The following SKOR1 variants were observed in gnomAD, a reference collection of about 807,000 sequenced individuals.
SKOR1 encodes LBX1 corepressor 1.
A neutral mutation model predicts 72.4 loss-of-function variants in SKOR1; 38 were observed. That is an observed-to-expected ratio of 0.52 (90% CI 0.40 to 0.69). SKOR1 has a LOEUF of 0.69. SKOR1 is among the 30% of genes least tolerant of loss of function. The probability of loss-of-function intolerance (pLI) is 0.00; values close to 1 mark genes in which losing one functional copy is unlikely to be tolerated. For synonymous variants in SKOR1, 642 were observed against 599.4 expected (o/e 1.07, Z -1.04); for missense variants, 1,320 against 1,343.2 (o/e 0.98, Z 0.27).
intron 3 of SKOR1, 89 bp downstream of exon 3, chr15:67,829,358 G>A: frequency 5.3e-6 from 6 of 1,134,422 alleles, no homozygotes; most frequent in Non-Finnish European, 7.4e-6. Flanking sequence ...GGAAGACAAG[G>A]AGAGAGACGC....
chr15:67,833,330 G>C lies in SKOR1; in HGVS notation c.2803+73G>C. On this transcript the variant is annotated intron_variant, in intron 8 of 8. Transcript: ENST00000380035. The surrounding 1 kb of genome is among the most constrained non-coding windows in gnomAD (Gnocchi z 6.0). ...GTGCTGTCGACTGAATGAATGAATAGTGGGACTAGTGAGGAAGGCCACGAT... is the reference window on the plus strand; with the variant it reads ...GTGCTGTCGACTGAATGAATGAATACTGGGACTAGTGAGGAAGGCCACGAT... The C allele has an allele frequency of 6.8e-7, 1 of 1,479,200 alleles. No individual in the cohort carries two copies. Among genetic ancestry groups the C allele is most frequent in the African/African-American group, 1.4e-5 (1 of 72,280 alleles). 91.6% of individuals were successfully genotyped at this position (1,479,200 alleles called of 1,614,324 possible).
At position 67,827,570 on chromosome 15, in the gene SKOR1, C is replaced by T. The variant is rs1011643070; in HGVS notation, c.1742C>T (p.Pro581Leu). The stretch of plus-strand genomic sequence containing the variant: ...CCGCCCCTGGCCCCGTTGCCCCCGC[C>T]GCCCCCGCCGCCCGCACGCAAAGGC... ...LPPPLAPLPPPPPPPARKGSY... is the reference protein window; with the variant it reads ...LPPPLAPLPPLPPPPARKGSY... Residue 581 changes from proline (P) to leucine (L), a missense_variant, in exon 2 of 9, where the codon CCG becomes CTG. Transcript: ENST00000380035. 11 of 1,519,214 alleles carry T rather than the reference C, an allele frequency of 7.2e-6. No individual in the cohort carries two copies. Among genetic ancestry groups the T allele is most frequent in the Non-Finnish European group, 9.6e-6 (11 of 1,140,868 alleles). 94.1% of individuals were successfully genotyped at this position (1,519,214 alleles called of 1,614,324 possible).
At chr15:67,830,126 A>G in intron 3 of SKOR1, 65 bp from the exon 4 acceptor site, 1 of 1,543,162 alleles carries the variant, frequency 6.5e-7, no homozygotes, top group Non-Finnish European at 8.9e-7. Flanking sequence ...CGACCGCGGC[A>G]GCTCCGGCAG....
rs950294285 is a variant in SKOR1 at position 67,827,619 on chromosome 15, G to T, written c.1791G>T (p.Pro597=). The change falls in exon 2 of 9, where the codon CCG becomes CCT. Residue 597 remains proline, a synonymous_variant. Transcript: ENST00000380035. ...RKGSYVSAFR[P]VVKDTESIAK... is the part of the protein sequence containing the mutation. ...GCTCCTACGTGTCGGCCTTCCGGCCGGTGGTCAAGGACACCGAGAGCATCG... is the reference window on the plus strand; with the variant it reads ...GCTCCTACGTGTCGGCCTTCCGGCCTGTGGTCAAGGACACCGAGAGCATCG... The T allele has an allele frequency of 2.0e-6, 3 of 1,529,014 alleles. No homozygotes were observed. Among genetic ancestry groups the T allele is most frequent in the South Asian group, 1.2e-5 (1 of 83,392 alleles). 94.7% of individuals were successfully genotyped at this position (1,529,014 alleles called of 1,614,324 possible). A position where few individuals can be genotyped will look rare whatever the true frequency, so the allele number is the denominator to read the frequency against.
chr15:67,833,420 G>T lies in SKOR1; in HGVS notation c.2803+163G>T, dbSNP rs1197201825. On this transcript the variant is annotated intron_variant, in intron 8 of 8. Coordinates refer to ENST00000380035, the MANE Select transcript of SKOR1 (RefSeq NM_001365915.1). This position sits in a 1 kb window ranked among gnomAD's most constrained non-coding sequence, Gnocchi z 6.0. The stretch of plus-strand genomic sequence containing the variant: ...TGATTTTAACGGGAAGATTATTCTA[G>T]GATGGTGGGGGTAAAAAGAAAGAGC... Among the ~76,000 whole-genome samples, 1 of 152,204 alleles carries T rather than the reference G, an allele frequency of 6.6e-6. No individual in the cohort carries two copies. The highest frequency in any genetic ancestry group is 2.4e-5 in the African/African-American group (1 of 41,448).
chr15:67,832,690 G>A lies in SKOR1; in HGVS notation c.2737+9G>A. The A allele has an allele frequency of 2.5e-6, 4 of 1,613,252 alleles. No individual in the cohort carries two copies. Among genetic ancestry groups the A allele is most frequent in the African/African-American group, 1.3e-5 (1 of 75,050 alleles). On this transcript the variant is annotated intron_variant, in intron 7 of 8. Coordinates refer to ENST00000380035, the MANE Select transcript of SKOR1 (RefSeq NM_001365915.1). This position sits in a 1 kb window ranked among gnomAD's most constrained non-coding sequence, Gnocchi z 4.5. Reference sequence around the variant, plus strand: ...GCTGCAAATTGTCAGAGGTAAGACGGGAGTCAGGTGAGCTCGTGCACGGGC... The same window carrying A: ...GCTGCAAATTGTCAGAGGTAAGACGAGAGTCAGGTGAGCTCGTGCACGGGC...
At position 67,833,709 on chromosome 15, in the gene SKOR1, C is replaced by A; in HGVS notation, c.2804-33C>A. On this transcript the variant is annotated intron_variant, in intron 8 of 8. Coordinates refer to ENST00000380035, the MANE Select transcript of SKOR1 (RefSeq NM_001365915.1). The surrounding 1 kb of genome is among the most constrained non-coding windows in gnomAD (Gnocchi z 6.0). The stretch of plus-strand genomic sequence containing the variant: ...GCGCGGTGAGGTGAGCCTGGAGAGG[C>A]GCCCAGAGTGACCCTCGCGACTGTC... 6.2e-7 allele frequency: 1 copy of A among 1,605,996 alleles called. No individual in the cohort carries two copies. The highest frequency in any genetic ancestry group is 8.5e-7 in the Non-Finnish European group (1 of 1,173,508).
chr15:67,829,084 G>A (rs1597017737), intron 2 of SKOR1, 95 bp from the exon 3 acceptor site: 3 of 1,182,220 alleles, frequency 2.5e-6, no homozygotes, highest in Non-Finnish European at 3.5e-6. Flanking sequence ...TTGCCACTCC[G>A]TCGGCTTTCC....
rs1428172490 is a variant in SKOR1, at chr15:67,832,254, C to T, written c.2588-20C>T. On this transcript the variant is annotated intron_variant, in intron 5 of 8. Coordinates refer to ENST00000380035, the MANE Select transcript of SKOR1 (RefSeq NM_001365915.1). The surrounding 1 kb of genome is among the most constrained non-coding windows in gnomAD (Gnocchi z 4.5). ...CCTGCTTTACCTCCCACTTTACCTC[C>T]CACTTTTCCCCTTTCACAGAGGAAT... 3.7e-6 allele frequency: 6 copies of T among 1,612,880 alleles called. No homozygotes were observed. Among genetic ancestry groups the T allele is most frequent in the East Asian group, 2.2e-5 (1 of 44,894 alleles).
chr15:67,826,816 G>A lies in SKOR1; in HGVS notation c.988G>A (p.Glu330Lys), dbSNP rs2090962297. 2 of 1,528,474 alleles carry A rather than the reference G, an allele frequency of 1.3e-6. No homozygotes were observed. Among genetic ancestry groups the A allele is most frequent in the Admixed American group, 2.0e-5 (1 of 50,318 alleles). The allele number at this position is 1,528,474 out of a possible 1,614,324, so 94.7% of individuals were successfully genotyped here. Residue 330 changes from glutamate (E) to lysine (K), a missense_variant, in exon 2 of 9, where the codon GAA (glutamate) becomes AAA (lysine). Physicochemically the swap from Glu to Lys is moderately conservative, Grantham distance 56 (BLOSUM62 1). Around this residue, in one of 3 missense-constraint regions of SKOR1, gnomAD observed 1,099 missense variants for 1,025.5 expected, o/e 1.07. Transcript: ENST00000380035. ...GCCCCACAAAAGCCTGCGCTGTGGC[G>A]AAGATGAGGCTGCCGGGCCTCCGGG... ...PPPHKSLRCG[E>K]DEAAGPPGPP... is the part of the protein sequence containing the mutation.
chr15:67,830,106 TG>T, intron 3 of SKOR1, 84 bp from the exon 4 acceptor site: 1 of 1,388,360 alleles, frequency 7.2e-7, no homozygotes, highest in Non-Finnish European at 1.0e-6. Context: ...TAATTAGGGC[TG>T]GGGCGCCCCG....
rs776369126 is a variant in SKOR1 at position 67,826,045 on chromosome 15, A to C, written c.217A>C (p.Lys73Gln). ...GCCGTACTCGGGCTCCAGCGCTCTC[A>C]AACCCAACCAGGTGGGCGAGACGTC... ...LQPYSGSSAL[K>Q]PNQVGETSLY... Residue 73 changes from lysine (K) to glutamine (Q), a missense_variant, in exon 2 of 9, where the codon AAA (lysine) becomes CAA (glutamine). By Grantham distance (53) the Lys-to-Gln change is moderately conservative. Coordinates refer to ENST00000380035, the MANE Select transcript of SKOR1 (RefSeq NM_001365915.1). The C allele has an allele frequency of 2.5e-5, 39 of 1,584,492 alleles. No homozygotes were observed. The highest frequency in any genetic ancestry group is 2.9e-5 in the Non-Finnish European group (34 of 1,161,710).
chr15:67,826,063 G>T lies in SKOR1; in HGVS notation c.235G>T (p.Glu79Ter), dbSNP rs1480889633. ...SSALKPNQVG[E>*]TSLYGVPIVS... ...CGCTCTCAAACCCAACCAGGTGGGC[G>T]AGACGTCGCTGTACGGGGTGCCCAT... Residue 79 changes from glutamate (E) to a stop codon, truncating the protein, a stop_gained, in exon 2 of 9, where the codon GAG (glutamate) becomes TAG (stop). Coordinates refer to ENST00000380035, the MANE Select transcript of SKOR1 (RefSeq NM_001365915.1). LOFTEE classifies it high-confidence loss of function. 1.9e-6 allele frequency: 3 copies of T among 1,592,060 alleles called. No homozygotes were observed. The highest frequency in any genetic ancestry group is 2.6e-6 in the Non-Finnish European group (3 of 1,165,298).
chr15:67,827,527 A>G lies in SKOR1; in HGVS notation c.1699A>G (p.Thr567Ala), dbSNP rs1472131456. The part of the protein sequence containing the change: ...LSRGPLDEDG[T>A]DEALPPPLAP... ...CCGCGGGCCCCTGGACGAAGACGGCACGGACGAGGCGCTGCCACCGCCCCT... is the reference window on the plus strand; with the variant it reads ...CCGCGGGCCCCTGGACGAAGACGGCGCGGACGAGGCGCTGCCACCGCCCCT... Residue 567 changes from threonine (T) to alanine (A), a missense_variant, in exon 2 of 9, where the codon ACG becomes GCG. Thr to Ala is a moderately conservative substitution (Grantham distance 58). This residue lies in a region of SKOR1 where 1,099 missense variants were observed against 1,025.5 expected (regional missense o/e 1.07). Transcript: ENST00000380035. The G allele has an allele frequency of 6.6e-7, 1 of 1,522,308 alleles. No individual in the cohort carries two copies. Among genetic ancestry groups the G allele is most frequent in the Non-Finnish European group, 8.8e-7 (1 of 1,141,944 alleles). 94.3% of individuals were successfully genotyped at this position (1,522,308 alleles called of 1,614,324 possible).
chr15:67,828,886 G>C (rs553004350), intron 2 of SKOR1, among the ~76,000 whole-genome samples: 2 of 152,364 alleles, frequency 1.3e-5, no homozygotes, highest in Admixed American at 6.5e-5. Flanking sequence ...ACTGGCGGGA[G>C]GGAAAATGCC....
chr15:67,830,919 G>A (rs747354606), intron 5 of SKOR1, 30 bp downstream of exon 5: 15 of 1,607,092 alleles, frequency 9.3e-6, no homozygotes, highest in Middle Eastern at 1.6e-4. Context: ...AAAGGTGTAC[G>A]CTGTGCTTGA....
chr15:67,828,791 G>T (rs2090985849), intron 2 of SKOR1, among the ~76,000 whole-genome samples: 1 of 152,194 alleles, frequency 6.6e-6, no homozygotes, highest in African/African-American at 2.4e-5. Context: ...TTTTGAAAGT[G>T]AGTGCGCATA....
chr15:67,828,261 C>A, intron 2 of SKOR1, 117 bp downstream of exon 2: 8 of 1,344,002 alleles, frequency 6.0e-6, no homozygotes, highest in Non-Finnish European at 7.6e-6. Context: ...GAGCAGCAGG[C>A]CTCGGCCACT....
At position 67,827,546 on chromosome 15, in the gene SKOR1, C is replaced by A; in HGVS notation, c.1718C>A (p.Pro573Gln). ...GACGGCACGGACGAGGCGCTGCCAC[C>A]GCCCCTGGCCCCGTTGCCCCCGCCG... is the stretch of plus-strand genomic sequence containing the variant. ...DEDGTDEALP[P>Q]PLAPLPPPPP... Residue 573 changes from proline to glutamine, a missense_variant, in exon 2 of 9, where the codon CCG becomes CAG. Physicochemically the swap from Pro to Gln is moderately conservative, Grantham distance 76. Coordinates refer to ENST00000380035, the MANE Select transcript of SKOR1 (RefSeq NM_001365915.1). The A allele has an allele frequency of 1.3e-6, 2 of 1,519,614 alleles. No homozygotes were observed. The highest frequency in any genetic ancestry group is 2.4e-5 in the South Asian group (2 of 82,416). The allele number at this position is 1,519,614 out of a possible 1,614,324, so 94.1% of individuals were successfully genotyped here.
Sources: gnomAD v4.1 joint callset for allele counts (sites outside exome capture counted in the v4.1 genomes callset) on GRCh38, gnomAD v4.1.1 for gene constraint, gnomAD v4.1.1 regional missense constraint, Gnocchi (gnomAD v3.1) non-coding constraint, MANE v1.5 for transcripts, NCBI Gene and HGNC (gene_info 2026-07-23, HGNC 2026-07-21) for gene names.